RPGRIP1: variants seen among roughly 807,000 people sequenced by gnomAD.
RPGRIP1 encodes the protein RPGR interacting protein 1.
A neutral mutation model predicts 157.9 loss-of-function variants in RPGRIP1; 128 were observed. The ratio of observed to expected loss-of-function variants is 0.81; its 90% CI spans 0.70 to 0.94. The LOEUF is 0.94. RPGRIP1 is among the 40% of genes least tolerant of loss of function. RPGRIP1 has a pLI of 0.00. For missense variants in RPGRIP1, 1,486 were observed against 1,545.8 expected, an observed-to-expected ratio of 0.96 and a Z score of 0.65; for synonymous variants, 554 against 571.6, an observed-to-expected ratio of 0.97 and a Z score of 0.44.
chr14:21,297,818 G>A (rs916112848), intron 3 of RPGRIP1, among the ~76,000 whole-genome samples: 4 of 89,916 alleles, frequency 4.4e-5, no homozygotes, highest in African/African-American at 1.6e-4. Flanking sequence ...TCTATGTTTC[G>A]GTATCTCAAT....
Position 21,322,100 on chromosome 14 carries a change from T to C in RPGRIP1, c.1762+96T>C, listed in dbSNP as rs1594205814. The stretch of plus-strand genomic sequence containing the variant: ...TACTTGTCAAGAAGGGTGCCTCTCA[T>C]ACCCTTAGCATATGACTTATCCTTC... On this transcript the variant is annotated intron_variant, in intron 14 of 24. Transcript: ENST00000400017. 5.9e-6 allele frequency: 6 copies of C among 1,013,338 alleles called. No homozygotes were observed. In the East Asian group the frequency reaches 1.5e-4, roughly 25 times the overall value. The allele number at this position is 1,013,338 out of a possible 1,614,324, so 62.8% of individuals were successfully genotyped here.
At chr14:21,324,563 C>T in intron 14 of RPGRIP1, 55 bp from the exon 15 acceptor site, 1 of 1,441,956 alleles carries the variant, frequency 6.9e-7, no homozygotes, top group Non-Finnish European at 9.7e-7. Context: ...CCTCCTCTAC[C>T]CTAAGAAAGA....
chr14:21,301,814 G>C (rs1881049681), intron 4 of RPGRIP1, among the ~76,000 whole-genome samples: 2 of 151,854 alleles, frequency 1.3e-5, no homozygotes, highest in African/African-American at 4.8e-5. Context: ...GGAGGCGGAG[G>C]CTGCAGTGAG....
chr14:21,341,716 AG>A (rs1354969942), intron 21 of RPGRIP1, among the ~76,000 whole-genome samples: 1 of 152,160 alleles, frequency 6.6e-6, no homozygotes, highest in African/African-American at 2.4e-5. Context: ...GACAATTAAA[AG>A]AAAGGACAGG....
At chr14:21,350,420 A>T (rs1886120986) in intron 24 of RPGRIP1, among the ~76,000 whole-genome samples, 1 of 151,586 alleles carries the variant, frequency 6.6e-6, no homozygotes, top group African/African-American at 2.4e-5. Context: ...AAGAGTACAT[A>T]GCACATATTG....
chr14:21,339,631 G>T (rs1172253716), intron 21 of RPGRIP1, among the ~76,000 whole-genome samples: 2 of 152,066 alleles, frequency 1.3e-5, no homozygotes, highest in Non-Finnish European at 2.9e-5. Context: ...CTTAACTGCT[G>T]ATCGATATTG....
At chr14:21,294,541 C>A in intron 2 of RPGRIP1, 136 bp from the exon 3 acceptor site, 2 of 877,716 alleles carry the variant, frequency 2.3e-6, no homozygotes, top group Non-Finnish European at 3.4e-6. Context: ...AGTCATTTCT[C>A]ATACTTCCTG....
In RPGRIP1 at chr14:21,311,863, A is replaced by AT; in HGVS notation, c.970_971insT (p.Lys324IlefsTer5). ...GAGTGCAGCCCATGAGGCCCTCCTC[A>AT]AGCAAGTGAATGAGCTCAGGGCAGA... is the stretch of plus-strand genomic sequence containing the variant. On this transcript the variant is annotated frameshift_variant, in exon 9 of 25. Coordinates refer to ENST00000400017, the MANE Select transcript of RPGRIP1 (RefSeq NM_020366.4). LOFTEE classifies it high-confidence loss of function. 6.2e-7 allele frequency: 1 copy of AT among 1,610,976 alleles called. No homozygotes were observed. Among genetic ancestry groups the AT allele is most frequent in the Non-Finnish European group, 8.5e-7 (1 of 1,178,800 alleles).
chr14:21,338,056 A>G (rs1436841401), intron 21 of RPGRIP1, among the ~76,000 whole-genome samples: 2 of 152,106 alleles, frequency 1.3e-5, no homozygotes, highest in Non-Finnish European at 2.9e-5. Flanking sequence ...AGCTGGGACT[A>G]CAGGCGCACG....
chr14:21,302,643 C>A, intron 5 of RPGRIP1, 59 bp downstream of exon 5: 1 of 1,061,326 alleles, frequency 9.4e-7, no homozygotes, highest in South Asian at 1.6e-5. Context: ...AGAAAGACAT[C>A]ATTTAGGGAA....
intron 10 of RPGRIP1, among the ~76,000 whole-genome samples, chr14:21,315,803 A>T (rs560810677): frequency 0.033 from 4,853 of 147,272 alleles, 133 homozygotes; most frequent in South Asian, 0.068. Flanking sequence ...TATTATTATT[A>T]TTATTTTTTT....
chr14:21,318,545 G>A (rs765191150), intron 11 of RPGRIP1, among the ~76,000 whole-genome samples: 1 of 151,858 alleles, frequency 6.6e-6, no homozygotes, highest in South Asian at 2.1e-4. Context: ...ATGCGATCTG[G>A]GCTCACTTCA....
rs758436075 is a variant in RPGRIP1, at chr14:21,301,086, C to A, written c.339C>A (p.Leu113=). The A allele has an allele frequency of 7.4e-6, 12 of 1,612,618 alleles. No individual in the cohort carries two copies. In the Middle Eastern group the frequency reaches 9.9e-4, roughly 133 times the overall value. ...RGQKAGWRQR[L]SMHQRPQMHR... Reference sequence around the variant, plus strand: ...AGAAGGCGGGATGGCGGCAGCGCCTCTCCATGCACCAGCGCCCCCAGATGC... The same window carrying A: ...AGAAGGCGGGATGGCGGCAGCGCCTATCCATGCACCAGCGCCCCCAGATGC... Residue 113 remains leucine, a synonymous_variant, in exon 4 of 25, where the codon CTC becomes CTA. Coordinates refer to ENST00000400017, the MANE Select transcript of RPGRIP1 (RefSeq NM_020366.4).
chr14:21,295,815 G>A (rs112283824), intron 3 of RPGRIP1, among the ~76,000 whole-genome samples: 2,730 of 152,120 alleles, frequency 0.018, 77 homozygotes, highest in African/African-American at 0.062. Context: ...ACTCTGTTTG[G>A]GCTGGAGTGC....
chr14:21,285,315 CAAG>C (rs1880259686), intron 1 of RPGRIP1, among the ~76,000 whole-genome samples: 1 of 151,562 alleles, frequency 6.6e-6, no homozygotes, highest in South Asian at 2.1e-4. Flanking sequence ...AAATAAAGAG[CAAG>C]AAGGAGGCCA....
In RPGRIP1 at chr14:21,288,022, G is replaced by C; in HGVS notation, c.46G>C (p.Asp16His). The C allele has an allele frequency of 6.2e-7, 1 of 1,613,602 alleles. No homozygotes were observed. Among genetic ancestry groups the C allele is most frequent in the Admixed American group, 1.7e-5 (1 of 59,972 alleles). Residue 16 changes from aspartate to histidine, a missense_variant, in exon 2 of 25, where the codon GAC becomes CAC. Coordinates refer to ENST00000400017, the MANE Select transcript of RPGRIP1 (RefSeq NM_020366.4). Reference protein sequence around the residue: ...DPTSGDLPVRDIDAIPLVLPA... With the variant: ...DPTSGDLPVRHIDAIPLVLPA... ...TACATCAGGAGACTTGCCAGTTAGA[G>C]ACATAGATGCTATACCTCTGGTGCT...
rs536651050 is a variant in RPGRIP1 at position 21,339,720 on chromosome 14, G to A, written c.3340-3316G>A. 3.3e-5 allele frequency among the ~76,000 whole-genome samples: 5 copies of A among 152,256 alleles called. No homozygotes were observed. The South Asian group carries it at 1.0e-3, about 32-fold the overall frequency. On this transcript the variant is annotated intron_variant, in intron 21 of 24. Coordinates refer to ENST00000400017, the MANE Select transcript of RPGRIP1 (RefSeq NM_020366.4). The stretch of plus-strand genomic sequence containing the variant: ...TGAGATTTCATACTGTGTGCCAAGT[G>A]CTTGATATTCATGACTCTCTCGGGC...
chr14:21,344,587 C>T (rs974376759), intron 22 of RPGRIP1, among the ~76,000 whole-genome samples: 9 of 152,150 alleles, frequency 5.9e-5, no homozygotes, highest in African/African-American at 1.9e-4. Flanking sequence ...TTGAGAAAGT[C>T]GTGCATGAAA....
At chr14:21,301,873 G>A (rs1339783939) in intron 4 of RPGRIP1, among the ~76,000 whole-genome samples, 1 of 151,644 alleles carries the variant, frequency 6.6e-6, no homozygotes, top group Non-Finnish European at 1.5e-5. Context: ...GTGACACTCT[G>A]CCTCAAAAAA....
Sources: gnomAD v4.1 joint callset for allele counts (sites outside exome capture counted in the v4.1 genomes callset) on GRCh38, gnomAD v4.1.1 for gene constraint, MANE v1.5 for transcripts, NCBI Gene and HGNC (gene_info 2026-07-23, HGNC 2026-07-21) for gene names.